Variants in CYP4F22 observed in about 807,000 individuals in gnomAD.
CYP4F22 encodes cytochrome P450 family 4 subfamily F member 22, also known as ultra-long-chain fatty acid omega-hydroxylase.
CYP4F22 carries 37 observed loss-of-function variants against 60.4 expected under a neutral mutation model. The observed-to-expected ratio is 0.61, with a 90% CI of 0.47 to 0.81. The LOEUF is 0.81. Among genes scored for constraint, CYP4F22 ranks in the 30% least tolerant of loss-of-function variants. The pLI, the probability that CYP4F22 is intolerant of heterozygous loss-of-function variation, is 0.00. For missense variants in CYP4F22, 655 were observed against 715.0 expected, an observed-to-expected ratio of 0.92 and a Z score of 0.96; for synonymous variants, 258 against 280.5, an observed-to-expected ratio of 0.92 and a Z score of 0.80.
intron 1 of CYP4F22, among the ~76,000 whole-genome samples, chr19:15,518,678 ACAAAACACAG>A (rs1440615602): frequency 3.4e-5 from 5 of 145,598 alleles, no homozygotes; most frequent in East Asian, 2.0e-4. Context: ...AAGAAACAAA[ACAAAACACAG>A]AAAAAAAAAA....
At position 15,550,662 on chromosome 19, in the gene CYP4F22, G is replaced by T. The variant is rs775348727; in HGVS notation, c.1336-12G>T. The stretch of plus-strand genomic sequence containing the variant: ...CAGCCCCCAGACTCATCTCCAGGCT[G>T]TTCCTCCCTAGGTGTACAACCCCTA... On this transcript the variant is annotated splice_polypyrimidine_tract_variant and intron_variant, in intron 12 of 13. Coordinates refer to ENST00000269703, the MANE Select transcript of CYP4F22 (RefSeq NM_173483.4). The T allele has an allele frequency of 6.2e-7, 1 of 1,614,112 alleles. No homozygotes were observed.
intron 10 of CYP4F22, among the ~76,000 whole-genome samples, chr19:15,547,150 A>G (rs1971536660): frequency 6.6e-6 from 1 of 150,748 alleles, no homozygotes; most frequent in Non-Finnish European, 1.5e-5. Context: ...CGGCCTCCCA[A>G]GTAGCTGAGA....
rs766117733 is a variant in CYP4F22, at chr19:15,550,792, T to C, written c.1418+36T>C. On this transcript the variant is annotated intron_variant, in intron 13 of 13. Transcript: ENST00000269703. ...TATTTCCCCTAGTCCAAGCCAGCTG[T>C]GTAGGAACAGAGGCAGGGAAAGATC... The C allele has an allele frequency of 3.1e-6, 5 of 1,608,200 alleles. No individual in the cohort carries two copies. The Admixed American group carries it at 8.3e-5, about 27-fold the overall frequency.
rs140657557 is a variant in CYP4F22, at chr19:15,537,840, C to T, written c.550-32C>T. 3.0e-3 allele frequency: 4,771 copies of T among 1,612,894 alleles called. 16 individuals carry two copies. Among genetic ancestry groups the T allele is most frequent in the Non-Finnish European group, 3.9e-3 (4,545 of 1,180,016 alleles). ...TAGGCTGACTCCCTCTCTGTGGTTT[C>T]CATGCACAGTCACCATGTATCTCTC... On this transcript the variant is annotated intron_variant, in intron 6 of 13. Coordinates refer to ENST00000269703, the MANE Select transcript of CYP4F22 (RefSeq NM_173483.4).
Position 15,525,432 on chromosome 19 carries a change from C to A in CYP4F22, c.96C>A (p.Leu32=), listed in dbSNP as rs754619522. The change falls in exon 3 of 14, where the codon CTC becomes CTA. Residue 32 remains leucine, a synonymous_variant. Transcript: ENST00000269703. ...YAVSTLLLFL[L]FFLFRLLLRF... is the part of the protein sequence containing the mutation. ...TGTCCACCCTTCTCCTCTTCCTGCT[C>A]TTCTTCCTGTTCCGCCTGCTGCTGC... 9.9e-6 allele frequency: 16 copies of A among 1,614,048 alleles called. No homozygotes were observed. The highest frequency in any genetic ancestry group is 1.1e-5 in the Non-Finnish European group (13 of 1,180,028).
At chr19:15,520,160 C>T (rs1396850998) in intron 1 of CYP4F22, among the ~76,000 whole-genome samples, 2 of 151,918 alleles carry the variant, frequency 1.3e-5, no homozygotes, top group African/African-American at 2.4e-5. Context: ...CTGGTTAACA[C>T]GGTGAAACCC....
In CYP4F22 at chr19:15,548,102, C is replaced by A. The variant is rs550219689; in HGVS notation, c.1137-6C>A. On this transcript the variant is annotated splice_polypyrimidine_tract_variant and splice_region_variant and intron_variant, in intron 10 of 13. Coordinates refer to ENST00000269703, the MANE Select transcript of CYP4F22 (RefSeq NM_173483.4). ...CGGCCTCTAGTTATATCTCCATTCTCCCCAGGGACGATCTGACTCAGCTGC... is the reference window on the plus strand; with the variant it reads ...CGGCCTCTAGTTATATCTCCATTCTACCCAGGGACGATCTGACTCAGCTGC... 3 of 1,612,420 alleles carry A rather than the reference C, an allele frequency of 1.9e-6. No homozygotes were observed. In the Admixed American group the frequency reaches 5.0e-5, roughly 27 times the overall value.
At chr19:15,539,889 T>C (rs930642258) in intron 7 of CYP4F22, among the ~76,000 whole-genome samples, 3 of 152,222 alleles carry the variant, frequency 2.0e-5, no homozygotes, top group African/African-American at 7.2e-5. Context: ...TGGTGACCAG[T>C]GCTGTTAAGT....
chr19:15,543,495 T>G (rs1458418993), intron 8 of CYP4F22, among the ~76,000 whole-genome samples: 1 of 152,076 alleles, frequency 6.6e-6, no homozygotes, highest in African/African-American at 2.4e-5. Context: ...CTGGGCACTT[T>G]CCATCTTTAT....
rs3036561 is a variant in CYP4F22 at position 15,545,692 on chromosome 19, G to GAAAAGAAAAGAAAAGAA, written c.1136+1415_1136+1416insAAGAAAAGAAAAGAAAA. ...AAAAAGAAAAGAAAAGAAAAGAAAA[G>GAAAAGAAAAGAAAAGAA]AAGAAAAACACAGCCGCAACATTAA... On this transcript the variant is annotated intron_variant, in intron 10 of 13. Coordinates refer to ENST00000269703, the MANE Select transcript of CYP4F22 (RefSeq NM_173483.4). Among the ~76,000 whole-genome samples the GAAAAGAAAAGAAAAGAA allele has an allele frequency of 5.0e-4, 19 of 38,012 alleles. 1 individual carries two copies. Among genetic ancestry groups the GAAAAGAAAAGAAAAGAA allele is most frequent in the African/African-American group, 1.5e-3 (14 of 9,054 alleles). The allele number at this position is 38,012 out of a possible 152,430, so 24.9% of individuals were successfully genotyped here.
chr19:15,520,916 C>T (rs544517293), intron 1 of CYP4F22, among the ~76,000 whole-genome samples: 142 of 151,722 alleles, frequency 9.4e-4, no homozygotes, highest in African/African-American at 3.2e-3. Flanking sequence ...TACAGGTGCC[C>T]GCCACCACAC....
intron 1 of CYP4F22, among the ~76,000 whole-genome samples, chr19:15,511,162 C>A (rs1410941953): frequency 6.6e-6 from 1 of 151,078 alleles, no homozygotes; most frequent in Non-Finnish European, 1.5e-5. Flanking sequence ...GATGGGGTTT[C>A]TCCATGTTGG....
At chr19:15,520,570 CA>C (rs909557104) in intron 1 of CYP4F22, among the ~76,000 whole-genome samples, 5 of 151,806 alleles carry the variant, frequency 3.3e-5, no homozygotes, top group Admixed American at 3.3e-4. Context: ...CACAGAGCCT[CA>C]GTGCACACAC....
rs1014267522 is a variant in CYP4F22, at chr19:15,551,638, C to T, written c.*167C>T. The T allele has an allele frequency of 1.0e-5, 9 of 884,042 alleles. No homozygotes were observed. The African/African-American group carries it at 1.3e-4, about 13-fold the overall frequency. The allele number at this position is 884,042 out of a possible 1,614,324, so 54.8% of individuals were successfully genotyped here. A position where few individuals can be genotyped will look rare whatever the true frequency, so the allele number is the denominator to read the frequency against. ...CAGCCTGGTGGTACTGGCCACGCCCCTCAAGGCAAGGCTCCTCCCCTTAGG... is the reference window on the plus strand; with the variant it reads ...CAGCCTGGTGGTACTGGCCACGCCCTTCAAGGCAAGGCTCCTCCCCTTAGG... On this transcript the variant is annotated 3_prime_UTR_variant, in exon 14 of 14. Coordinates refer to ENST00000269703, the MANE Select transcript of CYP4F22 (RefSeq NM_173483.4).
chr19:15,531,498 A>C (rs1230445959), intron 4 of CYP4F22, among the ~76,000 whole-genome samples: 6 of 152,136 alleles, frequency 3.9e-5, no homozygotes, highest in Admixed American at 3.9e-4. Flanking sequence ...GGAGCTGTGA[A>C]AGAAGCTGCC....
intron 12 of CYP4F22, 88 bp downstream of exon 12, chr19:15,549,290 C>T (rs1971568188): frequency 7.4e-7 from 1 of 1,343,634 alleles, no homozygotes; most frequent in East Asian, 2.3e-5. Flanking sequence ...GTTGCAGGGC[C>T]TGAGTGCGCA....
intron 4 of CYP4F22, 70 bp downstream of exon 4, chr19:15,529,923 G>C (rs1971324721): frequency 3.1e-6 from 5 of 1,603,694 alleles, no homozygotes; most frequent in South Asian, 1.1e-5. Context: ...ATTCTAGGCA[G>C]GTGGGATATC....
intron 3 of CYP4F22, among the ~76,000 whole-genome samples, chr19:15,527,013 T>C (rs1311020465): frequency 6.6e-6 from 1 of 152,102 alleles, no homozygotes; most frequent in African/African-American, 2.4e-5. Flanking sequence ...TCAGCCTCCC[T>C]GTTTTTAGTT....
rs1971598675 is a variant in CYP4F22 at position 15,551,613 on chromosome 19, C to A, written c.*142C>A. The stretch of plus-strand genomic sequence containing the variant: ...TGGATGACCAGGCACCGCTGTTGAG[C>A]AGCCTGGTGGTACTGGCCACGCCCC... On this transcript the variant is annotated 3_prime_UTR_variant, in exon 14 of 14. Coordinates refer to ENST00000269703, the MANE Select transcript of CYP4F22 (RefSeq NM_173483.4). The A allele has an allele frequency of 9.3e-7, 1 of 1,076,738 alleles. No homozygotes were observed. Among genetic ancestry groups the A allele is most frequent in the Admixed American group, 2.4e-5 (1 of 41,442 alleles). The allele number at this position is 1,076,738 out of a possible 1,614,324, so 66.7% of individuals were successfully genotyped here.
Sources: allele counts gnomAD v4.1 joint callset (sites outside exome capture counted in the v4.1 genomes callset), GRCh38; gene constraint gnomAD v4.1.1; transcripts MANE v1.5; gene names NCBI Gene and HGNC (gene_info 2026-07-23, HGNC 2026-07-21).